Variants in PARVA observed in about 807,000 individuals in gnomAD.
The protein encoded by PARVA is alpha-parvin.
PARVA carries 25 observed loss-of-function variants against 52.6 expected under a neutral mutation model. The observed-to-expected ratio is 0.48, with a 90% CI of 0.35 to 0.66. The LOEUF (loss-of-function observed/expected upper bound fraction) is 0.66, where lower values mean the gene tolerates loss of function less well. Among genes scored for constraint, PARVA ranks in the 30% least tolerant of loss-of-function variants. PARVA has a pLI of 0.01. For missense variants in PARVA, 373 were observed against 450.9 expected, an observed-to-expected ratio of 0.83 and a Z score of 1.56; for synonymous variants, 185 against 179.1, an observed-to-expected ratio of 1.03 and a Z score of -0.26.
At chr11:12,436,220 G>T (rs1347443311) in intron 1 of PARVA, among the ~76,000 whole-genome samples, 1 of 152,198 alleles carries the variant, frequency 6.6e-6, no homozygotes, top group Non-Finnish European at 1.5e-5. Flanking sequence ...ACTTAATTCG[G>T]TAGGATGATT....
chr11:12,395,516 A>G (rs1311716016), intron 1 of PARVA, among the ~76,000 whole-genome samples: 1 of 152,218 alleles, frequency 6.6e-6, no homozygotes, highest in East Asian at 1.9e-4. Flanking sequence ...GTAACGGGGA[A>G]GCCAGGCCAA....
At chr11:12,392,669 T>A (rs1418931805) in intron 1 of PARVA, among the ~76,000 whole-genome samples, 1 of 152,226 alleles carries the variant, frequency 6.6e-6, no homozygotes, top group Non-Finnish European at 1.5e-5. Context: ...ATGAATAATG[T>A]GACTATGAAT....
chr11:12,498,105 C>T (rs551874515), intron 5 of PARVA, among the ~76,000 whole-genome samples: 1 of 152,326 alleles, frequency 6.6e-6, no homozygotes, highest in Non-Finnish European at 1.5e-5. Flanking sequence ...GCAATCTCAG[C>T]TCACTGCAAC....
intron 1 of PARVA, among the ~76,000 whole-genome samples, chr11:12,415,171 G>A (rs1447924532): frequency 1.3e-5 from 2 of 152,180 alleles, no homozygotes; most frequent in African/African-American, 4.8e-5. Context: ...TGCAGGCTGT[G>A]CTTACACAGA....
chr11:12,509,443 G>A (rs540322937), intron 7 of PARVA, among the ~76,000 whole-genome samples: 1 of 152,204 alleles, frequency 6.6e-6, no homozygotes, highest in East Asian at 1.9e-4. Context: ...GATTTACTGT[G>A]GTCACAGCTG....
chr11:12,475,926 G>T (rs930272362), intron 3 of PARVA, among the ~76,000 whole-genome samples: 2 of 152,210 alleles, frequency 1.3e-5, no homozygotes, highest in South Asian at 4.1e-4. Flanking sequence ...GAAGAAGATG[G>T]AACAGTTGAG....
chr11:12,468,573 C>CT (rs1940886799), intron 1 of PARVA, among the ~76,000 whole-genome samples: 1 of 152,166 alleles, frequency 6.6e-6, no homozygotes, highest in East Asian at 1.9e-4. Flanking sequence ...AGTTTGGGCT[C>CT]TGAGGCCTAG....
chr11:12,496,534 T>C lies in PARVA; in HGVS notation c.477T>C (p.Thr159=), dbSNP rs111282823. 1.7e-5 allele frequency: 28 copies of C among 1,611,224 alleles called. No individual in the cohort carries two copies. The highest frequency in any genetic ancestry group is 2.3e-5 in the Non-Finnish European group (27 of 1,178,832). The change falls in exon 5 of 13, where the codon ACT becomes ACC. Residue 159 remains threonine (T), a synonymous_variant. Coordinates refer to ENST00000334956, the MANE Select transcript of PARVA (RefSeq NM_018222.5). ...SEIAQKQKLQ[T]VLEKINETLK... The stretch of plus-strand genomic sequence containing the variant: ...TTGCTCAGAAGCAAAAACTGCAGAC[T>C]GTCCTGGAGAAGATCAATGAAACCC...
intron 7 of PARVA, among the ~76,000 whole-genome samples, chr11:12,509,044 C>CTACCT (rs1941470569): frequency 6.7e-6 from 1 of 148,788 alleles, no homozygotes; most frequent in African/African-American, 2.5e-5. Flanking sequence ...GAAAGCCTCT[C>CTACCT]TACCTTAGAT....
intron 1 of PARVA, among the ~76,000 whole-genome samples, chr11:12,385,657 C>T (rs772676399): frequency 8.5e-5 from 13 of 152,160 alleles, no homozygotes; most frequent in Non-Finnish European, 1.3e-4. Flanking sequence ...TTCAGCTCTG[C>T]CTTTGCTGCC....
chr11:12,425,201 T>G (rs1287540982), intron 1 of PARVA, among the ~76,000 whole-genome samples: 1 of 152,184 alleles, frequency 6.6e-6, no homozygotes, highest in Non-Finnish European at 1.5e-5. Context: ...CCCTAACAGT[T>G]TCTCTGTCAT....
chr11:12,391,501 GAAA>G (rs1323145805), intron 1 of PARVA, among the ~76,000 whole-genome samples: 1 of 152,212 alleles, frequency 6.6e-6, no homozygotes, highest in African/African-American at 2.4e-5. Context: ...GTGTGAAAAA[GAAA>G]AACAACACCC....
intron 3 of PARVA, among the ~76,000 whole-genome samples, chr11:12,474,483 G>C (rs755961785): frequency 6.6e-6 from 1 of 152,138 alleles, no homozygotes; most frequent in Non-Finnish European, 1.5e-5. Context: ...TTTCAAAACT[G>C]TTCATTTCTC....
At chr11:12,462,298 G>A (rs770903021) in intron 1 of PARVA, among the ~76,000 whole-genome samples, 5 of 152,184 alleles carry the variant, frequency 3.3e-5, no homozygotes, top group Non-Finnish European at 5.9e-5. Context: ...AAAATAGGGA[G>A]ATTGGCCTGG....
At chr11:12,397,150 G>A (rs1939759594) in intron 1 of PARVA, among the ~76,000 whole-genome samples, 1 of 152,210 alleles carries the variant, frequency 6.6e-6, no homozygotes, top group Admixed American at 6.5e-5. Flanking sequence ...GCATAAAGGT[G>A]TTTAATAGGT....
chr11:12,516,199 C>T (rs1467598667), intron 10 of PARVA, among the ~76,000 whole-genome samples: 1 of 152,170 alleles, frequency 6.6e-6, no homozygotes, highest in African/African-American at 2.4e-5. Context: ...ACGGCTGAGC[C>T]GCAGGCCGGC....
chr11:12,475,444 A>G (rs1377318764), intron 3 of PARVA, among the ~76,000 whole-genome samples: 1 of 152,044 alleles, frequency 6.6e-6, no homozygotes, highest in Non-Finnish European at 1.5e-5. Flanking sequence ...GGGGTTAGAG[A>G]CTGTCTTTTT....
intron 4 of PARVA, among the ~76,000 whole-genome samples, chr11:12,495,555 G>T (rs1941288367): frequency 1.3e-5 from 2 of 151,970 alleles, no homozygotes; most frequent in South Asian, 4.2e-4. Flanking sequence ...GTCCAAAGTT[G>T]TTTTTTTCTT....
intron 1 of PARVA, among the ~76,000 whole-genome samples, chr11:12,439,230 AG>A (rs1274813057): frequency 6.6e-6 from 1 of 152,090 alleles, no homozygotes; most frequent in African/African-American, 2.4e-5. Context: ...TAGGAATATG[AG>A]GGTGAATGGG....
Sources: gnomAD v4.1 joint callset for allele counts (sites outside exome capture counted in the v4.1 genomes callset) on GRCh38, gnomAD v4.1.1 for gene constraint, MANE v1.5 for transcripts, NCBI Gene and HGNC (gene_info 2026-07-23, HGNC 2026-07-21) for gene names.